The following ALS2 variants were observed in gnomAD, a reference collection of about 807,000 sequenced individuals.
ALS2 encodes the protein alsin.
ALS2 carries 117 observed loss-of-function variants against 203.4 expected under a neutral mutation model. That is an observed-to-expected ratio of 0.58 (90% CI 0.50 to 0.67). ALS2 has a LOEUF of 0.67. Among genes scored for constraint, ALS2 ranks in the 30% least tolerant of loss-of-function variants. The probability of loss-of-function intolerance (pLI) is 0.00; values close to 1 mark genes in which losing one functional copy is unlikely to be tolerated. For missense variants in ALS2, 1,715 were observed against 1,989.4 expected (o/e 0.86, Z 2.62); for synonymous variants, 718 against 725.9 (o/e 0.99, Z 0.17).
chr2:201,754,692 G>C (rs751669721), intron 5 of ALS2, 21 bp from the exon 6 acceptor site: 2 of 1,613,330 alleles, frequency 1.2e-6, no homozygotes, highest in South Asian at 2.2e-5. Flanking sequence ...ACCAGACGTG[G>C]GGTGAAGGAG....
intron 4 of ALS2, chr2:201,760,473 G>A: frequency 2.0e-6 from 2 of 997,772 alleles, no homozygotes; most frequent in Non-Finnish European, 2.4e-6. Context: ...CCCTGTTAAA[G>A]AAGGAAAAGA....
chr2:201,779,059 T>C (rs1694781807), intron 1 of ALS2, among the ~76,000 whole-genome samples: 2 of 152,188 alleles, frequency 1.3e-5, no homozygotes, highest in African/African-American at 4.8e-5. Context: ...AGATTCCACC[T>C]AATTACAAAA....
intron 3 of ALS2, 68 bp from the exon 4 acceptor site, chr2:201,761,886 A>T: frequency 6.6e-7 from 1 of 1,526,104 alleles, no homozygotes; most frequent in Non-Finnish European, 9.0e-7. Flanking sequence ...TTTTAACAGC[A>T]AACTTTTAGT....
At chr2:201,743,928 G>C (rs1692459959) in intron 10 of ALS2, among the ~76,000 whole-genome samples, 2 of 152,182 alleles carry the variant, frequency 1.3e-5, no homozygotes, top group Non-Finnish European at 2.9e-5. Context: ...GACCAGCAGG[G>C]GGAGAAGTGT....
At position 201,767,316 on chromosome 2, in the gene ALS2, T is replaced by A. The variant is rs199947290; in HGVS notation, c.88A>T (p.Ile30Leu). 1.2e-6 allele frequency: 2 copies of A among 1,614,050 alleles called. No individual in the cohort carries two copies. The highest frequency in any genetic ancestry group is 1.7e-6 in the Non-Finnish European group (2 of 1,180,042). Residue 30 changes from isoleucine (I) to leucine (L), a missense_variant, in exon 3 of 34, where the codon ATA becomes TTA. Transcript: ENST00000264276. ...VHIWQAGSFP[I>L]TPERLPGWGG... Reference sequence around the variant, plus strand: ...CAGCCTGGCAATCTCTCTGGTGTTATGGGAAAGGATCCTGCCTGCCAGATA... The same window carrying A: ...CAGCCTGGCAATCTCTCTGGTGTTAAGGGAAAGGATCCTGCCTGCCAGATA...
At chr2:201,722,933 G>C (rs1017930556) in intron 23 of ALS2, 110 bp downstream of exon 23, 9 of 834,530 alleles carry the variant, frequency 1.1e-5, no homozygotes, top group Non-Finnish European at 1.7e-5. Context: ...ACTGAAACGT[G>C]CACTTGAAAG....
intron 24 of ALS2, 88 bp downstream of exon 24, chr2:201,717,987 CTT>C: frequency 7.4e-7 from 1 of 1,346,012 alleles, no homozygotes; most frequent in Non-Finnish European, 1.0e-6. Context: ...AAGAACTTGA[CTT>C]TGCTTTTAAA....
At position 201,704,151 on chromosome 2, in the gene ALS2, C is replaced by T. The variant is rs905097885; in HGVS notation, c.4906G>A (p.Glu1636Lys). The T allele has an allele frequency of 1.9e-6, 3 of 1,613,762 alleles. No individual in the cohort carries two copies. The African/African-American group carries it at 4.0e-5, about 22-fold the overall frequency. The change falls in exon 33 of 34, where the codon GAA becomes AAA. Residue 1636 changes from glutamate to lysine, a missense_variant. Glu to Lys is a moderately conservative substitution (Grantham distance 56). Around this residue, in one of 3 missense-constraint regions of ALS2, gnomAD observed 1,227 missense variants for 1,413.5 expected, o/e 0.87. Transcript: ENST00000264276. The part of the protein sequence containing the change: ...DLMDPYLQHG[E>K]QGIMFTTLKA... ...AAGGTGGTGAACATTATACCCTGTTCCCCATGCTGAAGATAGGGGTCCATT... is the reference window on the plus strand; with the variant it reads ...AAGGTGGTGAACATTATACCCTGTTTCCCATGCTGAAGATAGGGGTCCATT...
chr2:201,723,866 C>T (rs1690976963), intron 21 of ALS2, among the ~76,000 whole-genome samples: 1 of 152,156 alleles, frequency 6.6e-6, no homozygotes, highest in Admixed American at 6.5e-5. Flanking sequence ...CCTATAATCC[C>T]AGCACTTTGG....
chr2:201,717,679 C>A (rs907062871), intron 24 of ALS2, among the ~76,000 whole-genome samples: 2 of 150,830 alleles, frequency 1.3e-5, no homozygotes, highest in African/African-American at 4.9e-5. Context: ...TGCAGCGGCT[C>A]ATACCTGTAA....
intron 1 of ALS2, chr2:201,779,967 G>A (rs981725517): frequency 2.6e-4 from 39 of 152,192 alleles, no homozygotes; most frequent in African/African-American, 8.9e-4. Context: ...TAGGTTTGCT[G>A]AAGTTTTGTA....
rs530798850 is a variant in ALS2, at chr2:201,746,850, G to A, written c.1816-102C>T. 53 of 1,351,424 alleles carry A rather than the reference G, an allele frequency of 3.9e-5. No homozygotes were observed. The African/African-American group carries it at 6.3e-4, about 16-fold the overall frequency. The allele number at this position is 1,351,424 out of a possible 1,614,324, so 83.7% of individuals were successfully genotyped here. A position where few individuals can be genotyped will look rare whatever the true frequency, so the allele number is the denominator to read the frequency against. On this transcript the variant is annotated intron_variant, in intron 8 of 33. Transcript: ENST00000264276. ...GTTAGGTTGCTTAAATAAGCGTGGT[G>A]CAGTCAGTCATATCTGAGAGCAAAC...
intron 9 of ALS2, among the ~76,000 whole-genome samples, chr2:201,744,734 T>G (rs1470393046): frequency 6.6e-6 from 1 of 150,828 alleles, no homozygotes; most frequent in African/African-American, 2.4e-5. Flanking sequence ...CTACTTTCAA[T>G]TATCTCCAAG....
At chr2:201,723,160 T>C (rs771174214) in intron 22 of ALS2, 40 bp from the exon 23 acceptor site, 3 of 1,544,242 alleles carry the variant, frequency 1.9e-6, no homozygotes, top group Non-Finnish European at 2.7e-6. Context: ...ACACATAAAA[T>C]ACAGAGTAAC....
chr2:201,775,049 G>A (rs547650607), intron 1 of ALS2, among the ~76,000 whole-genome samples: 1 of 152,026 alleles, frequency 6.6e-6, no homozygotes, highest in African/African-American at 2.4e-5. Flanking sequence ...CTCAATTACC[G>A]GTTTAAAATA....
intron 12 of ALS2, among the ~76,000 whole-genome samples, chr2:201,735,682 G>A (rs1691830524): frequency 6.6e-6 from 1 of 152,212 alleles, no homozygotes; most frequent in East Asian, 1.9e-4. Context: ...AAAGGCAAGA[G>A]GCTTTCAACT....
intron 13 of ALS2, among the ~76,000 whole-genome samples, chr2:201,730,360 C>T (rs746090081): frequency 1.3e-5 from 2 of 152,104 alleles, no homozygotes; most frequent in African/African-American, 4.8e-5. Context: ...AATGTTGATA[C>T]CTTTTTTTCT....
chr2:201,705,598 A>G (rs952062677), intron 29 of ALS2, 137 bp from the exon 30 acceptor site: 11 of 682,060 alleles, frequency 1.6e-5, no homozygotes, highest in Non-Finnish European at 2.8e-5. Context: ...AGTTTTTATA[A>G]ACATTCCAGA....
At chr2:201,762,113 C>T (rs554646055) in intron 3 of ALS2, among the ~76,000 whole-genome samples, 2 of 152,302 alleles carry the variant, frequency 1.3e-5, no homozygotes, top group East Asian at 1.9e-4. Context: ...CCACTCCTAA[C>T]GGCCATCATC....
Sources: gnomAD v4.1 joint callset for allele counts (sites outside exome capture counted in the v4.1 genomes callset) on GRCh38, gnomAD v4.1.1 for gene constraint, gnomAD v4.1.1 regional missense constraint, MANE v1.5 for transcripts, NCBI Gene and HGNC (gene_info 2026-07-23, HGNC 2026-07-21) for gene names.